PTPN14: variants seen among roughly 807,000 people sequenced by gnomAD.
PTPN14 encodes the protein protein tyrosine phosphatase non-receptor type 14, also known as tyrosine-protein phosphatase non-receptor type 14.
In PTPN14, 53 loss-of-function variants were observed where a neutral mutation model predicts 126.8. That is an observed-to-expected ratio of 0.42 (90% CI 0.34 to 0.53). The LOEUF (loss-of-function observed/expected upper bound fraction) is 0.53, where lower values mean the gene tolerates loss of function less well. Among genes scored for constraint, PTPN14 ranks in the 20% least tolerant of loss-of-function variants. The pLI, the probability that PTPN14 is intolerant of heterozygous loss-of-function variation, is 0.08. For synonymous variants in PTPN14, 630 were observed against 599.3 expected, an observed-to-expected ratio of 1.05 and a Z score of -0.75; for missense variants, 1,257 against 1,552.9, an observed-to-expected ratio of 0.81 and a Z score of 3.20.
chr1:214,386,924 T>C lies in PTPN14; in HGVS notation c.988-2A>G. 1 of 1,595,884 alleles carries C rather than the reference T, an allele frequency of 6.3e-7. No individual in the cohort carries two copies. The highest frequency in any genetic ancestry group is 8.6e-7 in the Non-Finnish European group (1 of 1,164,574). Reference sequence around the variant, plus strand: ...CAGGATGTACGGCTGCTGCCTGGGCTGAAACAGAGAACACAGAGGAGGTGG... The same window carrying C: ...CAGGATGTACGGCTGCTGCCTGGGCCGAAACAGAGAACACAGAGGAGGTGG... On this transcript the variant is annotated splice_acceptor_variant, in intron 11 of 18. Coordinates refer to ENST00000366956, the MANE Select transcript of PTPN14 (RefSeq NM_005401.5). LOFTEE classifies it high-confidence loss of function.
At position 214,384,247 on chromosome 1, in the gene PTPN14, C is replaced by T. The variant is rs369464407; in HGVS notation, c.1608G>A (p.Thr536=). 17 of 1,614,022 alleles carry T rather than the reference C, an allele frequency of 1.1e-5. No homozygotes were observed. The Middle Eastern group carries it at 4.9e-4, about 47-fold the overall frequency. ...SKPGASAISH[T]VSTPELANMQ... ...TGTTGGCCAGCTCTGGGGTGCTCAC[C>T]GTGTGCGAGATGGCGCTTGCCCCCG... The change falls in exon 13 of 19, where the codon ACG becomes ACA. Residue 536 remains threonine, a synonymous_variant. Coordinates refer to ENST00000366956, the MANE Select transcript of PTPN14 (RefSeq NM_005401.5). This position sits in a 1 kb window ranked among gnomAD's most constrained non-coding sequence, Gnocchi z 5.3.
chr1:214,539,575 A>ATGTAT (rs1189294013), intron 1 of PTPN14, among the ~76,000 whole-genome samples: 1 of 152,188 alleles, frequency 6.6e-6, no homozygotes, highest in Non-Finnish European at 1.5e-5. Context: ...CATATACGGT[A>ATGTAT]ATTAATCTAT....
chr1:214,371,170 C>A (rs1332652483), intron 16 of PTPN14, among the ~76,000 whole-genome samples: 1 of 152,186 alleles, frequency 6.6e-6, no homozygotes, highest in African/African-American at 2.4e-5. Context: ...CCGGTCTCAC[C>A]TCCAATGCCA....
intron 1 of PTPN14, among the ~76,000 whole-genome samples, chr1:214,487,353 C>CGG (rs1414325388): frequency 2.6e-5 from 4 of 152,104 alleles, no homozygotes; most frequent in African/African-American, 9.7e-5. Context: ...CAGCTGGGTG[C>CGG]GGTGGCTCAT....
At chr1:214,466,115 C>G (rs1572017908) in intron 1 of PTPN14, among the ~76,000 whole-genome samples, 1 of 151,436 alleles carries the variant, frequency 6.6e-6, no homozygotes, top group Non-Finnish European at 1.5e-5. Context: ...CGCCACCACA[C>G]CTGGCTATTT....
chr1:214,513,802 T>C (rs1401042332), intron 1 of PTPN14, among the ~76,000 whole-genome samples: 1 of 152,212 alleles, frequency 6.6e-6, no homozygotes, highest in African/African-American at 2.4e-5. Flanking sequence ...AGCGTTGTCA[T>C]AAAGATTAAA....
chr1:214,362,572 G>A (rs1657981014), intron 18 of PTPN14, among the ~76,000 whole-genome samples: 1 of 152,228 alleles, frequency 6.6e-6, no homozygotes, highest in Admixed American at 6.5e-5. Context: ...TGTTCAGTGA[G>A]CCCCCATGTC....
chr1:214,541,814 T>G (rs1178098641), intron 1 of PTPN14, among the ~76,000 whole-genome samples: 1 of 152,222 alleles, frequency 6.6e-6, no homozygotes, highest in Non-Finnish European at 1.5e-5. Flanking sequence ...TATTGTATTG[T>G]GCTGAGTGAG....
chr1:214,415,064 A>G (rs61740433), intron 3 of PTPN14, among the ~76,000 whole-genome samples: 1,574 of 150,542 alleles, frequency 0.01, 33 homozygotes, highest in African/African-American at 0.037. Flanking sequence ...ACCCACGACA[A>G]CACGACTGCC....
At position 214,383,892 on chromosome 1, in the gene PTPN14, C is replaced by T. The variant is rs760793358; in HGVS notation, c.1963G>A (p.Ala655Thr). Residue 655 changes from alanine to threonine, a missense_variant, in exon 13 of 19, where the codon GCC becomes ACC. Ala to Thr is a moderately conservative substitution (Grantham distance 58, BLOSUM62 0). Transcript: ENST00000366956. The surrounding 1 kb of genome is among the most constrained non-coding windows in gnomAD (Gnocchi z 4.4). ...AGGTGGAGCGACTTGAGCGTCATGG[C>T]CTCCATGCCCCGCACCATGCTGTTC... The part of the protein sequence containing the change: ...VMNSMVRGME[A>T]MTLKSLHLPM... 3.1e-6 allele frequency: 5 copies of T among 1,613,276 alleles called. No individual in the cohort carries two copies. Among genetic ancestry groups the T allele is most frequent in the African/African-American group, 1.3e-5 (1 of 75,050 alleles).
chr1:214,517,272 G>A (rs941428625), intron 1 of PTPN14, among the ~76,000 whole-genome samples: 1 of 152,152 alleles, frequency 6.6e-6, no homozygotes, highest in Non-Finnish European at 1.5e-5. Context: ...CTTTATGTAT[G>A]TATGACAAAA....
rs544004545 is a variant in PTPN14, at chr1:214,394,770, T to C, written c.846+129A>G. 1.9e-4 allele frequency: 161 copies of C among 831,180 alleles called. 1 individual carries two copies. In the African/African-American group the frequency reaches 2.4e-3, roughly 13 times the overall value. 51.5% of individuals were successfully genotyped at this position (831,180 alleles called of 1,614,324 possible). Reference sequence around the variant, plus strand: ...GAGTAATGACAGCACTGACCAAGTATTAGAAAGCATCTCTTCAAGGGAGTA... The same window carrying C: ...GAGTAATGACAGCACTGACCAAGTACTAGAAAGCATCTCTTCAAGGGAGTA... On this transcript the variant is annotated intron_variant, in intron 9 of 18. Transcript: ENST00000366956.
intron 1 of PTPN14, among the ~76,000 whole-genome samples, chr1:214,506,288 C>A: frequency 6.6e-6 from 1 of 152,152 alleles, no homozygotes; most frequent in East Asian, 1.9e-4. Context: ...GAGGATTGCT[C>A]GAGGTCAGGA....
chr1:214,474,583 C>A (rs922083616), intron 1 of PTPN14, among the ~76,000 whole-genome samples: 2 of 152,196 alleles, frequency 1.3e-5, no homozygotes, highest in Non-Finnish European at 2.9e-5. Context: ...TAGTACCCAG[C>A]ATAATCTGTT....
At chr1:214,451,139 G>GGTTTTT (rs1184735160) in intron 3 of PTPN14, among the ~76,000 whole-genome samples, 2 of 144,268 alleles carry the variant, frequency 1.4e-5, no homozygotes, top group East Asian at 4.2e-4. Context: ...AACAGAATTA[G>GGTTTTT]GTTTTTGTTT....
chr1:214,445,539 A>G (rs1337502597), intron 3 of PTPN14, among the ~76,000 whole-genome samples: 1 of 141,438 alleles, frequency 7.1e-6, no homozygotes, highest in African/African-American at 2.6e-5. Flanking sequence ...GCAAAGACAA[A>G]CATGTTTTGG....
intron 1 of PTPN14, among the ~76,000 whole-genome samples, chr1:214,473,292 G>A (rs993648167): frequency 2.0e-5 from 3 of 152,148 alleles, no homozygotes; most frequent in Admixed American, 6.5e-5. Context: ...CAAATGCAGC[G>A]TATTCCTCTT....
intron 10 of PTPN14, 32 bp from the exon 11 acceptor site, chr1:214,391,077 TA>T (rs1658741036): frequency 6.7e-7 from 1 of 1,494,146 alleles, no homozygotes. Context: ...TGAGAATGGT[TA>T]TTATTATTGA....
At position 214,383,510 on chromosome 1, in the gene PTPN14, C is replaced by T. The variant is rs1486596886; in HGVS notation, c.2345G>A (p.Arg782Lys). 1.2e-6 allele frequency: 2 copies of T among 1,614,026 alleles called. No homozygotes were observed. Among genetic ancestry groups the T allele is most frequent in the African/African-American group, 2.7e-5 (2 of 74,954 alleles). ...PPAMARARVL[R>K]HGPAKAISMS... ...GCTGATGGCCTTGGCTGGCCCATGC[C>T]TCAGCACCCTGGCTCTGGCCATGGC... The change falls in exon 13 of 19, where the codon AGG becomes AAG. Residue 782 changes from arginine (R) to lysine (K), a missense_variant. Around this residue, in one of 3 missense-constraint regions of PTPN14, gnomAD observed 1,021 missense variants for 1,183.3 expected, o/e 0.86. Transcript: ENST00000366956. This position sits in a 1 kb window ranked among gnomAD's most constrained non-coding sequence, Gnocchi z 4.4.
Sources: gnomAD v4.1 joint callset for allele counts (sites outside exome capture counted in the v4.1 genomes callset) on GRCh38, gnomAD v4.1.1 for gene constraint, gnomAD v4.1.1 regional missense constraint, Gnocchi (gnomAD v3.1) non-coding constraint, MANE v1.5 for transcripts, NCBI Gene and HGNC (gene_info 2026-07-23, HGNC 2026-07-21) for gene names.